The following ARHGEF10L variants were observed in gnomAD, a reference collection of about 807,000 sequenced individuals.
The protein encoded by ARHGEF10L is rho guanine nucleotide exchange factor 10-like protein.
A neutral mutation model predicts 141.2 loss-of-function variants in ARHGEF10L; 69 were observed. The ratio of observed to expected loss-of-function variants is 0.49; its 90% CI spans 0.40 to 0.60. The LOEUF is 0.60. ARHGEF10L is among the 20% of genes least tolerant of loss of function. The pLI, the probability that ARHGEF10L is intolerant of heterozygous loss-of-function variation, is 0.00. For missense variants in ARHGEF10L, 1,482 were observed against 1,734.3 expected, an observed-to-expected ratio of 0.85 and a Z score of 2.58; for synonymous variants, 711 against 718.5, an observed-to-expected ratio of 0.99 and a Z score of 0.17.
chr1:17,671,145 G>C (rs1228654254), intron 26 of ARHGEF10L, among the ~76,000 whole-genome samples: 1 of 152,262 alleles, frequency 6.6e-6, no homozygotes, highest in Non-Finnish European at 1.5e-5. Context: ...AGCCAGTTAG[G>C]GGTGAGTGTG....
intron 4 of ARHGEF10L, among the ~76,000 whole-genome samples, chr1:17,589,601 G>A (rs1235652655): frequency 6.6e-6 from 1 of 152,184 alleles, no homozygotes; most frequent in Non-Finnish European, 1.5e-5. Context: ...TGTCCAGAGT[G>A]GGTGGACTTG....
At chr1:17,692,175 C>T (rs2065153917) in intron 27 of ARHGEF10L, among the ~76,000 whole-genome samples, 1 of 152,158 alleles carries the variant, frequency 6.6e-6, no homozygotes, top group African/African-American at 2.4e-5. Flanking sequence ...GGGAAATAGT[C>T]CCAGCTCCAC....
intron 26 of ARHGEF10L, among the ~76,000 whole-genome samples, chr1:17,672,884 G>A (rs906592470): frequency 4.6e-5 from 7 of 152,050 alleles, no homozygotes; most frequent in Non-Finnish European, 1.0e-4. Flanking sequence ...GGGCCTGGAG[G>A]GGGTGAAGAG....
intron 26 of ARHGEF10L, among the ~76,000 whole-genome samples, chr1:17,671,202 G>A (rs1434453858): frequency 6.6e-6 from 1 of 152,268 alleles, no homozygotes; most frequent in South Asian, 2.1e-4. Context: ...CAGGGCGGTC[G>A]CAGGGCCCTC....
upstream of ARHGEF10L, among the ~76,000 whole-genome samples, chr1:17,536,482 A>G (rs1223370980): frequency 6.6e-6 from 1 of 152,180 alleles, no homozygotes; most frequent in Non-Finnish European, 1.5e-5. Flanking sequence ...ATCACCAAAA[A>G]AGAAAAACAA....
At chr1:17,565,110 G>A (rs1052410489) in intron 1 of ARHGEF10L, among the ~76,000 whole-genome samples, 2 of 152,224 alleles carry the variant, frequency 1.3e-5, no homozygotes, top group Non-Finnish European at 2.9e-5. Context: ...GGTGTCTGGT[G>A]AGGGCCTGTT....
At chr1:17,538,899 A>G (rs1421675469), upstream of ARHGEF10L, among the ~76,000 whole-genome samples, 1 of 152,188 alleles carries the variant, frequency 6.6e-6, no homozygotes. Context: ...AACGCGGATA[A>G]TCTTAATTAA....
At chr1:17,691,090 T>A (rs1408398597) in intron 27 of ARHGEF10L, 6 of 454,040 alleles carry the variant, frequency 1.3e-5, no homozygotes, top group Middle Eastern at 6.5e-4. Context: ...ATGCATTTTT[T>A]AACCTAAACT....
intron 1 of ARHGEF10L, among the ~76,000 whole-genome samples, chr1:17,563,237 C>CTT (rs55911525): frequency 2.1e-5 from 3 of 142,596 alleles, no homozygotes; most frequent in Non-Finnish European, 1.5e-5. Context: ...GAGCCCTTTT[C>CTT]TTTTTTTTTT....
intron 1 of ARHGEF10L, among the ~76,000 whole-genome samples, chr1:17,545,401 C>T (rs2100653318): frequency 6.6e-6 from 1 of 152,242 alleles, no homozygotes. Flanking sequence ...GCAGGGCCTG[C>T]TTTGGTGATA....
chr1:17,548,149 T>C (rs944259575), intron 1 of ARHGEF10L, among the ~76,000 whole-genome samples: 13 of 152,192 alleles, frequency 8.5e-5, no homozygotes, highest in African/African-American at 2.9e-4. Flanking sequence ...TTTTGTCATG[T>C]AGGGGAGGAA....
intron 15 of ARHGEF10L, among the ~76,000 whole-genome samples, chr1:17,628,458 C>A (rs937463273): frequency 2.0e-5 from 3 of 152,174 alleles, no homozygotes; most frequent in African/African-American, 4.8e-5. Context: ...TCCCTCTCAG[C>A]ACATGACATG....
intron 1 of ARHGEF10L, among the ~76,000 whole-genome samples, chr1:17,566,937 C>T (rs1417264096): frequency 6.6e-6 from 1 of 152,152 alleles, no homozygotes; most frequent in Non-Finnish European, 1.5e-5. Context: ...TGCCGTTGAA[C>T]TTAAAAGTCC....
intron 1 of ARHGEF10L, among the ~76,000 whole-genome samples, chr1:17,577,742 C>T (rs2100454044): frequency 1.3e-5 from 2 of 152,376 alleles, no homozygotes; most frequent in Middle Eastern, 6.8e-3. Context: ...AGGGTCAGTG[C>T]TCACTGGCTG....
Position 17,602,171 on chromosome 1 carries a change from T to A in ARHGEF10L, c.302T>A (p.Phe101Tyr). Reference sequence around the variant, plus strand: ...AATGGGGATGCAGCGGACGCAGCCTTCTCCGGGGCCCGGCACTCCAGCTGG... The same window carrying A: ...AATGGGGATGCAGCGGACGCAGCCTACTCCGGGGCCCGGCACTCCAGCTGG... The part of the protein sequence containing the change: ...VSNGDAADAA[F>Y]SGARHSSWKR... Residue 101 changes from phenylalanine (F) to tyrosine (Y), a missense_variant, in exon 5 of 29, where the codon TTC becomes TAC. Around this residue, in one of 3 missense-constraint regions of ARHGEF10L, gnomAD observed 232 missense variants for 225.9 expected, o/e 1.03. Coordinates refer to ENST00000361221, the MANE Select transcript of ARHGEF10L (RefSeq NM_018125.4). 3 of 1,583,688 alleles carry A rather than the reference T, an allele frequency of 1.9e-6. No individual in the cohort carries two copies. Among genetic ancestry groups the A allele is most frequent in the Non-Finnish European group, 2.6e-6 (3 of 1,164,956 alleles).
chr1:17,585,443 G>A (rs762213531), intron 2 of ARHGEF10L, among the ~76,000 whole-genome samples: 7 of 152,156 alleles, frequency 4.6e-5, no homozygotes, highest in Non-Finnish European at 7.4e-5. Context: ...ATGACACCTG[G>A]GGAAGGAGTT....
rs766916136 is a variant in ARHGEF10L at position 17,639,830 on chromosome 1, A to G, written c.2172-372A>G. 9 of 1,333,158 alleles carry G rather than the reference A, an allele frequency of 6.8e-6. No individual in the cohort carries two copies. In the South Asian group the frequency reaches 8.6e-5, roughly 13 times the overall value. 82.6% of individuals were successfully genotyped at this position (1,333,158 alleles called of 1,614,324 possible). ...CCAAGTGAGACCCATTCCTCCCTCTAGAGGCACGTGGTCAGACATGTAAGG... is the reference window on the plus strand; with the variant it reads ...CCAAGTGAGACCCATTCCTCCCTCTGGAGGCACGTGGTCAGACATGTAAGG... On this transcript the variant is annotated intron_variant, in intron 20 of 28. Transcript: ENST00000361221. The surrounding 1 kb of genome is among the most constrained non-coding windows in gnomAD (Gnocchi z 4.3).
intron 5 of ARHGEF10L, among the ~76,000 whole-genome samples, chr1:17,602,693 G>A (rs919714341): frequency 1.3e-5 from 2 of 152,184 alleles, no homozygotes; most frequent in Admixed American, 6.5e-5. Flanking sequence ...GGGTGTGGGG[G>A]AGCGTTATGG....
At chr1:17,664,419 C>A in intron 25 of ARHGEF10L, 28 bp from the exon 26 acceptor site, 1 of 1,595,740 alleles carries the variant, frequency 6.3e-7, no homozygotes, top group Non-Finnish European at 8.5e-7. Flanking sequence ...CTCCTGGCCC[C>A]TGACCTGCCT....
Sources: allele counts gnomAD v4.1 joint callset (sites outside exome capture counted in the v4.1 genomes callset), GRCh38; gene constraint gnomAD v4.1.1; regional missense constraint gnomAD v4.1.1; non-coding constraint Gnocchi (gnomAD v3.1); transcripts MANE v1.5; gene names NCBI Gene and HGNC (gene_info 2026-07-23, HGNC 2026-07-21).